Variants in EIF2AK2 observed in about 807,000 individuals in gnomAD.
EIF2AK2 encodes eukaryotic translation initiation factor 2 alpha kinase 2.
Under a neutral mutation model 70.5 loss-of-function variants are expected in EIF2AK2, and 40 were observed. The observed-to-expected ratio is 0.57, with a 90% CI of 0.44 to 0.74. EIF2AK2 has a LOEUF of 0.74. Ranked by LOEUF, EIF2AK2 falls within the 30% of genes least tolerant of loss-of-function variation. The probability of loss-of-function intolerance (pLI) is 0.00; values close to 1 mark genes in which losing one functional copy is unlikely to be tolerated. For synonymous variants in EIF2AK2, 198 were observed against 220.9 expected (o/e 0.90, Z 0.92); for missense variants, 555 against 644.3 (o/e 0.86, Z 1.50).
intron 4 of EIF2AK2, among the ~76,000 whole-genome samples, chr2:37,144,333 T>TA (rs1675447216): frequency 1.3e-5 from 2 of 149,832 alleles, no homozygotes; most frequent in Non-Finnish European, 3.0e-5. Context: ...ATACTTTTTT[T>TA]ATCATTATTT....
intron 11 of EIF2AK2, among the ~76,000 whole-genome samples, chr2:37,123,675 C>T (rs1199005227): frequency 1.3e-5 from 2 of 152,158 alleles, no homozygotes; most frequent in African/African-American, 4.8e-5. Flanking sequence ...CTAGGTAACC[C>T]AGGCAGTGTG....
chr2:37,135,628 C>A, intron 9 of EIF2AK2, 82 bp from the exon 10 acceptor site: 1 of 1,353,432 alleles, frequency 7.4e-7, no homozygotes. Context: ...TAACCTTTTT[C>A]TTTCTTTTTT....
chr2:37,120,744 C>T (rs953023589), intron 12 of EIF2AK2, among the ~76,000 whole-genome samples: 2 of 148,916 alleles, frequency 1.3e-5, no homozygotes, highest in African/African-American at 4.9e-5. Context: ...TGGCGGATTG[C>T]TTGAGCTCAG....
In EIF2AK2 at chr2:37,141,569, C is replaced by T; in HGVS notation, c.373G>A (p.Val125Met). 1.2e-6 allele frequency: 2 copies of T among 1,613,424 alleles called. No homozygotes were observed. The highest frequency in any genetic ancestry group is 1.7e-6 in the Non-Finnish European group (2 of 1,179,862). Residue 125 changes from valine (V) to methionine (M), a missense_variant, in exon 5 of 17, where the codon GTG becomes ATG. Val to Met is a conservative substitution (Grantham distance 21). Around this residue, in one of 3 missense-constraint regions of EIF2AK2, gnomAD observed 208 missense variants for 191.8 expected, o/e 1.08. Transcript: ENST00000233057. ...TVNYEQCASG[V>M]HGPEGFHYKC... The stretch of plus-strand genomic sequence containing the variant: ...ATGTCTTACCCTTCTGGCCCATGCA[C>T]CCCCGATGCACACTGTTCATAATTT...
Position 37,148,240 on chromosome 2 carries a change from G to C in EIF2AK2, c.-16-418C>G, listed in dbSNP as rs1167800544. ...GTCCTTCTCTTTAACTCTGCTCTGTGCTTCCACTGAGTATCAACTACATGT... is the reference window on the plus strand; with the variant it reads ...GTCCTTCTCTTTAACTCTGCTCTGTCCTTCCACTGAGTATCAACTACATGT... On this transcript the variant is annotated intron_variant, in intron 2 of 16. Coordinates refer to ENST00000233057, the MANE Select transcript of EIF2AK2 (RefSeq NM_001135651.3). Among the ~76,000 whole-genome samples, 4 of 152,184 alleles carry C rather than the reference G, an allele frequency of 2.6e-5. No individual in the cohort carries two copies. In the East Asian group the frequency reaches 7.7e-4, roughly 29 times the overall value.
At chr2:37,131,533 A>T (rs756109008) in intron 10 of EIF2AK2, among the ~76,000 whole-genome samples, 1 of 152,112 alleles carries the variant, frequency 6.6e-6, no homozygotes, top group Non-Finnish European at 1.5e-5. Flanking sequence ...CAAGCCCTAC[A>T]TTCAACCCTC....
In EIF2AK2 at chr2:37,147,702, A is replaced by T. The variant is rs1439730474; in HGVS notation, c.105T>A (p.Pro35=). The T allele has an allele frequency of 1.2e-6, 2 of 1,610,982 alleles. No homozygotes were observed. Among genetic ancestry groups the T allele is most frequent in the East Asian group, 4.5e-5 (2 of 44,778 alleles). ...TAGCAACCTACCTCCTATCATGTGG[A>T]GGTCCTGAATTAGGCAGTTCTTGAT... ...LKYQELPNSG[P]PHDRRFTFQV... The change falls in exon 3 of 17, where the codon CCT becomes CCA. Residue 35 remains proline, a synonymous_variant. Coordinates refer to ENST00000233057, the MANE Select transcript of EIF2AK2 (RefSeq NM_001135651.3).
chr2:37,147,048 C>A, intron 3 of EIF2AK2, 75 bp from the exon 4 acceptor site: 1 of 1,394,902 alleles, frequency 7.2e-7, no homozygotes, highest in Non-Finnish European at 9.7e-7. Flanking sequence ...CTAGTCATCA[C>A]TACCTCCTAT....
intron 8 of EIF2AK2, 56 bp from the exon 9 acceptor site, chr2:37,137,073 T>G: frequency 4.7e-6 from 7 of 1,474,774 alleles, no homozygotes; most frequent in Non-Finnish European, 6.4e-6. Flanking sequence ...TCATCTTCCT[T>G]TCCCGTTTTC....
rs974954167 is a variant in EIF2AK2 at position 37,100,365 on chromosome 2, G to T, written c.*6908C>A. The T allele has an allele frequency of 6.6e-6, 1 of 152,178 alleles. No homozygotes were observed. Among genetic ancestry groups the T allele is most frequent in the Non-Finnish European group, 1.5e-5 (1 of 68,026 alleles). 9.4% of individuals were successfully genotyped at this position (152,178 alleles called of 1,614,324 possible). A position where few individuals can be genotyped will look rare whatever the true frequency, so the allele number is the denominator to read the frequency against. ...CCTCCAGAACAGAAAGAGAATAAAT[G>T]TGTGTTGTTTTAAACCACCAAGTTT... On this transcript the variant is annotated 3_prime_UTR_variant, in exon 17 of 17. Coordinates refer to ENST00000233057, the MANE Select transcript of EIF2AK2 (RefSeq NM_001135651.3).
intron 10 of EIF2AK2, among the ~76,000 whole-genome samples, chr2:37,129,174 A>T (rs1296824630): frequency 6.6e-6 from 1 of 152,138 alleles, no homozygotes; most frequent in African/African-American, 2.4e-5. Context: ...AAAATTCAAG[A>T]GGACAAACAT....
Position 37,148,978 on chromosome 2 carries a change from T to C in EIF2AK2, c.-138A>G, listed in dbSNP as rs1675652059. On this transcript the variant is annotated 5_prime_UTR_variant, in exon 2 of 17. It removes an upstream start codon present in the reference 5' UTR. Transcript: ENST00000233057. ...AAGAACTGCTAAAGTTTTGAGGTCA[T>C]TACAATTTACAAATCCAGGAAGGCA... is the stretch of plus-strand genomic sequence containing the variant. The C allele has an allele frequency of 3.6e-6, 3 of 842,142 alleles. No individual in the cohort carries two copies. Among genetic ancestry groups the C allele is most frequent in the South Asian group, 2.6e-5 (2 of 75,682 alleles). The allele number at this position is 842,142 out of a possible 1,614,324, so 52.2% of individuals were successfully genotyped here.
intron 10 of EIF2AK2, among the ~76,000 whole-genome samples, chr2:37,126,967 G>GAAAAA (rs57802509): frequency 1.0e-3 from 52 of 52,166 alleles, no homozygotes; most frequent in East Asian, 1.4e-3. Context: ...CAAAAAAACA[G>GAAAAA]AAAAAAAAAA....
intron 2 of EIF2AK2, chr2:37,148,622 G>C: frequency 3.5e-6 from 3 of 846,718 alleles, no homozygotes; most frequent in Non-Finnish European, 6.1e-6. Context: ...GATGTTGCAA[G>C]AATTGTCATC....
At chr2:37,144,053 G>T (rs1054035340) in intron 4 of EIF2AK2, among the ~76,000 whole-genome samples, 5 of 152,160 alleles carry the variant, frequency 3.3e-5, no homozygotes, top group African/African-American at 9.7e-5. Context: ...AGATTATAAT[G>T]GAGCTAAAAA....
intron 13 of EIF2AK2, among the ~76,000 whole-genome samples, chr2:37,117,211 CAAA>C (rs534964659): frequency 6.8e-5 from 3 of 44,214 alleles, no homozygotes; most frequent in African/African-American, 8.8e-5. Flanking sequence ...GACTCTGTCT[CAAA>C]AAAAAAAAAA....
At position 37,141,720 on chromosome 2, in the gene EIF2AK2, C is replaced by G. The variant is rs1393906438; in HGVS notation, c.241-19G>C. On this transcript the variant is annotated intron_variant, in intron 4 of 16. Transcript: ENST00000233057. ...TAACTGCCTACAAAGAAAAAAAATT[C>G]CTGTTTAATATAAATGACAACAAAG... is the stretch of plus-strand genomic sequence containing the variant. The G allele has an allele frequency of 6.9e-6, 11 of 1,586,472 alleles. No homozygotes were observed. The highest frequency in any genetic ancestry group is 8.5e-6 in the Non-Finnish European group (10 of 1,169,636).
At chr2:37,144,764 TACAG>T (rs1675468336) in intron 4 of EIF2AK2, among the ~76,000 whole-genome samples, 1 of 152,058 alleles carries the variant, frequency 6.6e-6, no homozygotes. Flanking sequence ...GTGTTTTTAG[TACAG>T]ACAGGGTTTC....
chr2:37,137,879 G>T (rs546700916), intron 8 of EIF2AK2, among the ~76,000 whole-genome samples: 1 of 152,120 alleles, frequency 6.6e-6, no homozygotes, highest in Non-Finnish European at 1.5e-5. Flanking sequence ...TGGGGAGGCC[G>T]AGGTGGGCAG....
Sources: allele counts gnomAD v4.1 joint callset (sites outside exome capture counted in the v4.1 genomes callset), GRCh38; gene constraint gnomAD v4.1.1; regional missense constraint gnomAD v4.1.1; transcripts MANE v1.5; gene names NCBI Gene and HGNC (gene_info 2026-07-23, HGNC 2026-07-21).